EPHA6: variants seen among roughly 807,000 people sequenced by gnomAD.
EPHA6 encodes EPH receptor A6.
A neutral mutation model predicts 112.0 loss-of-function variants in EPHA6; 50 were observed. The observed-to-expected ratio is 0.45, with a 90% CI of 0.36 to 0.56. EPHA6 has a LOEUF of 0.56. EPHA6 is among the 20% of genes least tolerant of loss of function. EPHA6 has a pLI of 0.00. For synonymous variants in EPHA6, 529 were observed against 490.7 expected (o/e 1.08, Z -1.03); for missense variants, 1,280 against 1,417.4 (o/e 0.90, Z 1.56).
chr3:97,374,562 T>C (rs2085240360), intron 5 of EPHA6, among the ~76,000 whole-genome samples: 1 of 152,002 alleles, frequency 6.6e-6, no homozygotes, highest in South Asian at 2.1e-4. Context: ...ATGCTAAGGT[T>C]TAGGGTATGA....
At chr3:96,979,971 A>G (rs1211082800) in intron 2 of EPHA6, among the ~76,000 whole-genome samples, 1 of 152,064 alleles carries the variant, frequency 6.6e-6, no homozygotes, top group Non-Finnish European at 1.5e-5. Flanking sequence ...AGATGAGTAG[A>G]TTGCAAAAAT....
At chr3:97,729,882 C>T (rs531942543) in intron 15 of EPHA6, among the ~76,000 whole-genome samples, 1 of 152,008 alleles carries the variant, frequency 6.6e-6, no homozygotes, top group South Asian at 2.1e-4. Context: ...CCCCCTTCTA[C>T]CTGAAATTAT....
chr3:97,364,454 T>C (rs2084593729), intron 5 of EPHA6, among the ~76,000 whole-genome samples: 3 of 151,668 alleles, frequency 2.0e-5, no homozygotes, highest in Middle Eastern at 3.4e-3. Flanking sequence ...TAGATAAAAA[T>C]AAGGCAGACA....
rs1576349754 is a variant in EPHA6 at position 97,720,466 on chromosome 3, A to ATATTAT, written c.2934+56_2934+57insTATTAT. On this transcript the variant is annotated intron_variant, in intron 15 of 17. Coordinates refer to ENST00000389672, the MANE Select transcript of EPHA6 (RefSeq NM_001080448.3). The stretch of plus-strand genomic sequence containing the variant: ...TTGTGAATGTAAACACATTAGCTTG[A>ATATTAT]GGGGGAATTATGCCTTTTGTCCTCA... 1.5e-5 allele frequency: 22 copies of ATATTAT among 1,476,570 alleles called. No individual in the cohort carries two copies. In the East Asian group the frequency reaches 5.2e-4, roughly 35 times the overall value. 91.5% of individuals were successfully genotyped at this position (1,476,570 alleles called of 1,614,324 possible). A position where few individuals can be genotyped will look rare whatever the true frequency, so the allele number is the denominator to read the frequency against.
intron 2 of EPHA6, among the ~76,000 whole-genome samples, chr3:96,939,235 C>T (rs2040790768): frequency 6.6e-6 from 1 of 152,150 alleles, no homozygotes; most frequent in Non-Finnish European, 1.5e-5. Flanking sequence ...CCATCTGGTC[C>T]TGGAATCTTT....
At position 97,716,270 on chromosome 3, in the gene EPHA6, A is replaced by G. The variant is rs555073214; in HGVS notation, c.2785-3991A>G. 2.9e-3 allele frequency among the ~76,000 whole-genome samples: 431 copies of G among 150,940 alleles called. 6 individuals carry two copies. The highest frequency in any genetic ancestry group is 2.7e-3 in the South Asian group (13 of 4,824). On this transcript the variant is annotated intron_variant, in intron 14 of 17. Transcript: ENST00000389672. ...TTAAGTTGATCCATTCAATTAAAAA[A>G]GGAAAAAGAAAAGATGGGCCGGGCG...
At chr3:97,564,498 C>T (rs2093235053) in intron 11 of EPHA6, among the ~76,000 whole-genome samples, 1 of 151,942 alleles carries the variant, frequency 6.6e-6, no homozygotes, top group African/African-American at 2.4e-5. Flanking sequence ...AATTGATTGA[C>T]AAAATACACA....
chr3:97,240,271 ATCTTGTCTTTAAC>A (rs2078805137), intron 4 of EPHA6, among the ~76,000 whole-genome samples: 1 of 151,836 alleles, frequency 6.6e-6, no homozygotes, highest in Non-Finnish European at 1.5e-5. Context: ...TGTTCCTTTA[ATCTTGTCTTTAAC>A]CCAGATTAGC....
At chr3:97,481,498 G>A (rs1189920405) in intron 9 of EPHA6, 2 of 1,122,984 alleles carry the variant, frequency 1.8e-6, no homozygotes, top group Non-Finnish European at 1.3e-6. Context: ...CCATAGTTCC[G>A]GTTCTTCCTC....
intron 13 of EPHA6, among the ~76,000 whole-genome samples, chr3:97,620,630 G>A (rs1658146877): frequency 6.6e-6 from 1 of 151,640 alleles, no homozygotes; most frequent in Admixed American, 6.6e-5. Flanking sequence ...CATGTAAAAG[G>A]AGACATACAT....
chr3:96,964,988 C>T (rs189119144), intron 2 of EPHA6, among the ~76,000 whole-genome samples: 51 of 152,180 alleles, frequency 3.4e-4, no homozygotes, highest in African/African-American at 1.2e-3. Context: ...TCCAGGGATG[C>T]CTTGTGGTCA....
intron 3 of EPHA6, among the ~76,000 whole-genome samples, chr3:97,091,798 A>G (rs146325442): frequency 6.6e-6 from 1 of 152,304 alleles, no homozygotes; most frequent in East Asian, 1.9e-4. Flanking sequence ...TGCTGTGAAG[A>G]TGACTCTCAG....
chr3:96,926,565 C>A (rs1302699107), intron 2 of EPHA6, among the ~76,000 whole-genome samples: 1 of 152,194 alleles, frequency 6.6e-6, no homozygotes, highest in Non-Finnish European at 1.5e-5. Context: ...ATAACAGTTA[C>A]TTTCAAGATA....
At chr3:96,864,653 A>G (rs1401571392) in intron 1 of EPHA6, among the ~76,000 whole-genome samples, 1 of 152,080 alleles carries the variant, frequency 6.6e-6, no homozygotes. Flanking sequence ...GTCATGATTT[A>G]CAAAAATGTA....
At chr3:97,439,852 G>T (rs562959847) in intron 6 of EPHA6, among the ~76,000 whole-genome samples, 1 of 152,240 alleles carries the variant, frequency 6.6e-6, no homozygotes, top group Non-Finnish European at 1.5e-5. Context: ...GAGCTGAAAG[G>T]TATCCTAATG....
chr3:97,363,758 G>A (rs2108947766), intron 5 of EPHA6, among the ~76,000 whole-genome samples: 1 of 152,054 alleles, frequency 6.6e-6, no homozygotes, highest in Non-Finnish European at 1.5e-5. Flanking sequence ...CAACCCAAAT[G>A]TCCATTAAAA....
intron 3 of EPHA6, among the ~76,000 whole-genome samples, chr3:97,065,807 TATG>T (rs1194145285): frequency 6.6e-6 from 1 of 152,068 alleles, no homozygotes; most frequent in Non-Finnish European, 1.5e-5. Context: ...GTTCAGATCA[TATG>T]ATACTATTTA....
chr3:97,127,529 C>T (rs1205822024), intron 3 of EPHA6, among the ~76,000 whole-genome samples: 4 of 151,720 alleles, frequency 2.6e-5, no homozygotes, highest in East Asian at 1.9e-4. Context: ...GAGACCAGCC[C>T]GGCCAACATG....
At chr3:97,404,160 CTG>C (rs1326567573) in intron 5 of EPHA6, among the ~76,000 whole-genome samples, 2 of 152,138 alleles carry the variant, frequency 1.3e-5, no homozygotes, top group Non-Finnish European at 2.9e-5. Flanking sequence ...CAGTGTATCT[CTG>C]AGAGAGATTC....
Sources: allele counts gnomAD v4.1 joint callset (sites outside exome capture counted in the v4.1 genomes callset), GRCh38; gene constraint gnomAD v4.1.1; transcripts MANE v1.5; gene names NCBI Gene and HGNC (gene_info 2026-07-23, HGNC 2026-07-21).